FREM1: variants seen among roughly 807,000 people sequenced by gnomAD.
The protein encoded by FREM1 is FRAS1 related extracellular matrix 1.
FREM1 carries 220 observed loss-of-function variants against 210.1 expected under a neutral mutation model. That is an observed-to-expected ratio of 1.05 (90% CI 0.94 to 1.17). FREM1 has a LOEUF of 1.17. FREM1 is among the 50% of genes most tolerant of loss of function. The pLI is 0.00. For synonymous variants in FREM1, 1,189 were observed against 980.2 expected, an observed-to-expected ratio of 1.21 and a Z score of -3.98; for missense variants, 3,454 against 2,675.5, an observed-to-expected ratio of 1.29 and a Z score of -6.42.
rs117545036 is a variant in FREM1, at chr9:14,898,893, G to T, written c.-268+11021C>A. ...AATAGTGGAAAGTAGGGGTTGGGAA[G>T]TGAGAAGGTATATAGGAACTCTGAA... On this transcript the variant is annotated intron_variant, in intron 1 of 36. Transcript: ENST00000380880. Among the ~76,000 whole-genome samples, 6 of 152,320 alleles carry T rather than the reference G, an allele frequency of 3.9e-5. No individual in the cohort carries two copies. In the East Asian group the frequency reaches 1.2e-3, roughly 29 times the overall value.
intron 8 of FREM1, among the ~76,000 whole-genome samples, 191 bp downstream of exon 8, chr9:14,845,769 T>G (rs959593261): frequency 2.0e-5 from 3 of 152,220 alleles, no homozygotes; most frequent in African/African-American, 7.2e-5. Context: ...GTACCATTCA[T>G]AAATGGTTAG....
At position 14,851,446 on chromosome 9, in the gene FREM1, G is replaced by A; in HGVS notation, c.990C>T (p.Pro330=). 6.2e-7 allele frequency: 1 copy of A among 1,613,976 alleles called. No individual in the cohort carries two copies. The highest frequency in any genetic ancestry group is 8.5e-7 in the Non-Finnish European group (1 of 1,179,876). ...CTTTAGTAATGTTGAACACCAGCAA[G>A]GGTTTAGGGGTCTCATCTTCTTCAC... The part of the protein sequence containing the change: ...LDCEEDETPK[P]LLVFNITKAP... Residue 330 remains proline (P), a synonymous_variant, in exon 6 of 37, where the codon CCC becomes CCT. Coordinates refer to ENST00000380880, the MANE Select transcript of FREM1 (RefSeq NM_001379081.2).
chr9:14,798,340 T>A (rs1270369344), intron 20 of FREM1, among the ~76,000 whole-genome samples: 1 of 152,184 alleles, frequency 6.6e-6, no homozygotes, highest in Non-Finnish European at 1.5e-5. Context: ...GCCAGTACAG[T>A]GGTGAGCGCC....
At chr9:14,818,162 C>T (rs1368862105) in intron 14 of FREM1, among the ~76,000 whole-genome samples, 1 of 152,148 alleles carries the variant, frequency 6.6e-6, no homozygotes, top group Non-Finnish European at 1.5e-5. Flanking sequence ...AATTGTAAGC[C>T]TCTGACAGTA....
intron 5 of FREM1, 78 bp downstream of exon 5, chr9:14,857,475 G>A: frequency 3.3e-6 from 4 of 1,213,478 alleles, no homozygotes; most frequent in Non-Finnish European, 4.9e-6. Context: ...TGGCATGGGG[G>A]CGAGCATGAG....
chr9:14,854,639 T>A (rs1265903954), intron 5 of FREM1, among the ~76,000 whole-genome samples: 1 of 152,020 alleles, frequency 6.6e-6, no homozygotes, highest in African/African-American at 2.4e-5. Context: ...AAAATTATCA[T>A]CACTAGTGAA....
intron 21 of FREM1, among the ~76,000 whole-genome samples, chr9:14,797,292 G>C (rs1185113645): frequency 2.0e-5 from 3 of 152,196 alleles, no homozygotes; most frequent in African/African-American, 7.2e-5. Flanking sequence ...AGAAAATCAA[G>C]TAATTAAACG....
chr9:14,830,103 G>A (rs751494485), intron 10 of FREM1, among the ~76,000 whole-genome samples: 2 of 152,118 alleles, frequency 1.3e-5, no homozygotes, highest in Non-Finnish European at 2.9e-5. Flanking sequence ...TAGTTCCTGG[G>A]GGTGAGAAAT....
In FREM1 at chr9:14,784,560, G is replaced by T; in HGVS notation, c.4252C>A (p.Leu1418Met). The T allele has an allele frequency of 6.2e-7, 1 of 1,612,836 alleles. No homozygotes were observed. The highest frequency in any genetic ancestry group is 2.2e-5 in the East Asian group (1 of 44,810). Residue 1418 changes from leucine to methionine, a missense_variant, in exon 24 of 37, where the codon CTG becomes ATG. Coordinates refer to ENST00000380880, the MANE Select transcript of FREM1 (RefSeq NM_001379081.2). ...GGCTTGTCTGTTCCGTCCACAGCCA[G>T]GAGCGTGGTGGTTGTTAAGAAACCT... ...DRGFLTTTTL[L>M]AVDGTDKPEE...
At chr9:14,815,194 T>C (rs921732182) in intron 15 of FREM1, among the ~76,000 whole-genome samples, 5 of 152,148 alleles carry the variant, frequency 3.3e-5, no homozygotes, top group African/African-American at 1.2e-4. Context: ...TGTAGAAGTG[T>C]GGCAGGGTGA....
chr9:14,884,455 T>C (rs1309492285), intron 1 of FREM1, among the ~76,000 whole-genome samples: 1 of 152,228 alleles, frequency 6.6e-6, no homozygotes, highest in Non-Finnish European at 1.5e-5. Context: ...TAAAGCTGTG[T>C]GAAAATTCTT....
At chr9:14,828,638 CGG>C (rs67204004) in intron 10 of FREM1, among the ~76,000 whole-genome samples, 3 of 74,926 alleles carry the variant, frequency 4.0e-5, no homozygotes, top group South Asian at 5.5e-4. Flanking sequence ...TAAATTGTGG[CGG>C]GGCGGGGGAG....
At chr9:14,870,393 A>C (rs1832397206) in intron 1 of FREM1, among the ~76,000 whole-genome samples, 1 of 152,202 alleles carries the variant, frequency 6.6e-6, no homozygotes. Context: ...CTCACACTCC[A>C]ACTGACTCTA....
chr9:14,807,921 CA>C lies in FREM1; in HGVS notation c.3088+18del. 2.5e-6 allele frequency: 4 copies of C among 1,587,554 alleles called. No individual in the cohort carries two copies. Among genetic ancestry groups the C allele is most frequent in the Non-Finnish European group, 3.5e-6 (4 of 1,158,008 alleles). On this transcript the variant is annotated intron_variant, in intron 17 of 36. Transcript: ENST00000380880. ...ACTAGGTCAGACAATAGTACTGGAA[CA>C]AAAAAACACATTGTCACCTATTGCA... is the stretch of plus-strand genomic sequence containing the variant.
At chr9:14,908,878 C>A (rs1818252531) in intron 1 of FREM1, among the ~76,000 whole-genome samples, 2 of 152,134 alleles carry the variant, frequency 1.3e-5, no homozygotes, top group African/African-American at 4.8e-5. Context: ...TACACACAGT[C>A]AGTTTTGAGA....
At chr9:14,899,007 G>C (rs2132549506) in intron 1 of FREM1, among the ~76,000 whole-genome samples, 1 of 152,296 alleles carries the variant, frequency 6.6e-6, no homozygotes, top group Non-Finnish European at 1.5e-5. Context: ...GCCATCTTTT[G>C]ACATGCCTCA....
intron 25 of FREM1, among the ~76,000 whole-genome samples, chr9:14,771,535 G>C (rs1847576033): frequency 6.6e-6 from 1 of 152,136 alleles, no homozygotes; most frequent in South Asian, 2.1e-4. Flanking sequence ...TCTGTACGGA[G>C]CTCAGTGCAT....
chr9:14,880,565 C>T (rs906882818), intron 1 of FREM1, among the ~76,000 whole-genome samples: 1 of 144,274 alleles, frequency 6.9e-6, no homozygotes. Flanking sequence ...GATCGTGCCA[C>T]TGCACTCCAG....
intron 3 of FREM1, among the ~76,000 whole-genome samples, chr9:14,862,681 C>T (rs77303197): frequency 2.6e-5 from 4 of 152,264 alleles, no homozygotes; most frequent in South Asian, 2.1e-4. Flanking sequence ...ATCTACTCTC[C>T]GTCTCTGTGA....
Sources: allele counts gnomAD v4.1 joint callset (sites outside exome capture counted in the v4.1 genomes callset), GRCh38; gene constraint gnomAD v4.1.1; transcripts MANE v1.5; gene names NCBI Gene and HGNC (gene_info 2026-07-23, HGNC 2026-07-21).